Variants in GLYATL3 observed in about 807,000 individuals in gnomAD.
The protein encoded by GLYATL3 is glycine-N-acyltransferase like 3.
Under a neutral mutation model 28.5 loss-of-function variants are expected in GLYATL3, and 31 were observed. The ratio of observed to expected loss-of-function variants is 1.09; its 90% CI spans 0.82 to 1.47. The LOEUF is 1.47. Ranked by LOEUF, GLYATL3 falls within the 40% of genes most tolerant of loss-of-function variation. The probability of loss-of-function intolerance (pLI) is 0.00; values close to 1 mark genes in which losing one functional copy is unlikely to be tolerated. For missense variants in GLYATL3, 369 were observed against 351.5 expected (o/e 1.05, Z -0.40); for synonymous variants, 141 against 140.2 (o/e 1.01, Z -0.04).
At chr6:49,509,391 A>G (rs952573675) in intron 1 of GLYATL3, among the ~76,000 whole-genome samples, 4 of 152,218 alleles carry the variant, frequency 2.6e-5, no homozygotes, top group African/African-American at 9.6e-5. Flanking sequence ...ATTCAAGAGC[A>G]TTGTAACTCA....
At chr6:49,517,380 A>G (rs1769234953) in intron 3 of GLYATL3, 50 bp from the exon 4 acceptor site, 1 of 1,454,280 alleles carries the variant, frequency 6.9e-7, no homozygotes, top group South Asian at 1.4e-5. Flanking sequence ...TAAGATTTGG[A>G]TTATCCAGAT....
intron 1 of GLYATL3, among the ~76,000 whole-genome samples, chr6:49,509,097 T>A (rs535924780): frequency 6.6e-6 from 1 of 152,260 alleles, no homozygotes; most frequent in East Asian, 1.9e-4. Flanking sequence ...GATAATTTTC[T>A]GGGCAAACTG....
At chr6:49,510,906 T>G (rs763743273) in intron 1 of GLYATL3, among the ~76,000 whole-genome samples, 1 of 152,230 alleles carries the variant, frequency 6.6e-6, no homozygotes, top group Non-Finnish European at 1.5e-5. Flanking sequence ...AACCTCATGA[T>G]AGAATTTTAC....
chr6:49,526,601 TCTC>T lies in GLYATL3; in HGVS notation c.557_559del (p.Ser186del), dbSNP rs1561981293. ...TGTCTCCGGTACATCGCCAACCTCA[TCTC>T]CTGCTTCCCTAGTGTGTGTGTCCGG... On this transcript the variant is annotated inframe_deletion, in exon 6 of 6. Transcript: ENST00000371197. 1 of 1,551,876 alleles carries T rather than the reference TCTC, an allele frequency of 6.4e-7. No individual in the cohort carries two copies. The highest frequency in any genetic ancestry group is 2.4e-5 in the East Asian group (1 of 40,908).
chr6:49,510,532 C>T (rs1169732155), intron 1 of GLYATL3, among the ~76,000 whole-genome samples: 1 of 152,120 alleles, frequency 6.6e-6, no homozygotes, highest in Non-Finnish European at 1.5e-5. Context: ...AATTTTGTTT[C>T]GTTTTCTATC....
chr6:49,504,087 T>C (rs983942721), intron 1 of GLYATL3, among the ~76,000 whole-genome samples: 3 of 151,952 alleles, frequency 2.0e-5, no homozygotes, highest in African/African-American at 7.3e-5. Context: ...GTCTGTGGGG[T>C]GACAGAGGGT....
At chr6:49,504,067 G>C (rs764393263) in intron 1 of GLYATL3, among the ~76,000 whole-genome samples, 1 of 152,116 alleles carries the variant, frequency 6.6e-6, no homozygotes, top group Non-Finnish European at 1.5e-5. Flanking sequence ...AATATTCGTA[G>C]TTTTTAACAG....
intron 1 of GLYATL3, among the ~76,000 whole-genome samples, chr6:49,506,349 T>C (rs1037400556): frequency 7.9e-5 from 12 of 152,312 alleles, no homozygotes; most frequent in African/African-American, 2.9e-4. Context: ...TAAAAGTCTG[T>C]CAGATAGGTT....
chr6:49,502,885 A>C (rs541964968), intron 1 of GLYATL3, among the ~76,000 whole-genome samples: 1 of 152,332 alleles, frequency 6.6e-6, no homozygotes, highest in South Asian at 2.1e-4. Flanking sequence ...ACGGGAAGCC[A>C]AATACCTTCT....
At position 49,515,779 on chromosome 6, in the gene GLYATL3, A is replaced by G; in HGVS notation, c.186+19A>G. On this transcript the variant is annotated intron_variant, in intron 3 of 5. Coordinates refer to ENST00000371197, the MANE Select transcript of GLYATL3 (RefSeq NM_001010904.2). ...AAGAGAGGTACAGTTTTGAAAGGTA[A>G]AAAGTTTAAAAATAATAAGAATTGG... is the stretch of plus-strand genomic sequence containing the variant. 7.3e-7 allele frequency: 1 copy of G among 1,376,392 alleles called. No homozygotes were observed. The highest frequency in any genetic ancestry group is 1.0e-6 in the Non-Finnish European group (1 of 987,018). 85.3% of individuals were successfully genotyped at this position (1,376,392 alleles called of 1,614,324 possible).
chr6:49,505,413 G>C (rs953134043), intron 1 of GLYATL3, among the ~76,000 whole-genome samples: 1 of 152,142 alleles, frequency 6.6e-6, no homozygotes, highest in Non-Finnish European at 1.5e-5. Context: ...CAAACAACTC[G>C]GCTTTTTGAG....
In GLYATL3 at chr6:49,526,809, G is replaced by C. The variant is rs1769427202; in HGVS notation, c.762G>C (p.Thr254=). ...AGGGGAACGTCCTGGATGACAACACGGCGTCTATAAGCCTCCTGAAGAGTC... is the reference window on the plus strand; with the variant it reads ...AGGGGAACGTCCTGGATGACAACACCGCGTCTATAAGCCTCCTGAAGAGTC... ...PSQGNVLDDN[T]ASISLLKSLH... is the part of the protein sequence containing the mutation. The change falls in exon 6 of 6, where the codon ACG becomes ACC. Residue 254 remains threonine, a synonymous_variant. Coordinates refer to ENST00000371197, the MANE Select transcript of GLYATL3 (RefSeq NM_001010904.2). 6.4e-7 allele frequency: 1 copy of C among 1,552,088 alleles called. No individual in the cohort carries two copies. Among genetic ancestry groups the C allele is most frequent in the Non-Finnish European group, 8.7e-7 (1 of 1,147,078 alleles).
intron 1 of GLYATL3, among the ~76,000 whole-genome samples, chr6:49,510,310 G>A (rs1430807169): frequency 2.0e-5 from 3 of 152,166 alleles, no homozygotes; most frequent in Non-Finnish European, 4.4e-5. Flanking sequence ...CCAAAGTGCT[G>A]GGATTACAGG....
chr6:49,502,094 C>T (rs1327296226), intron 1 of GLYATL3, among the ~76,000 whole-genome samples: 2 of 152,148 alleles, frequency 1.3e-5, no homozygotes, highest in African/African-American at 4.8e-5. Flanking sequence ...ATCTTTTACT[C>T]CATAGCAATA....
At chr6:49,522,037 T>C (rs940678212) in intron 5 of GLYATL3, among the ~76,000 whole-genome samples, 1 of 152,214 alleles carries the variant, frequency 6.6e-6, no homozygotes, top group Non-Finnish European at 1.5e-5. Context: ...TGTGTTTTCA[T>C]AGTATCCATG....
intron 4 of GLYATL3, among the ~76,000 whole-genome samples, chr6:49,520,163 C>A (rs1769288375): frequency 6.6e-6 from 1 of 152,116 alleles, no homozygotes; most frequent in Non-Finnish European, 1.5e-5. Context: ...AGGCAATCAA[C>A]AAAATCCAAG....
At chr6:49,521,873 C>A in intron 5 of GLYATL3, 102 bp downstream of exon 5, 1 of 1,019,720 alleles carries the variant, frequency 9.8e-7, no homozygotes, top group Non-Finnish European at 1.4e-6. Flanking sequence ...TATCCAGGCA[C>A]TCTGGATTTC....
chr6:49,517,579 T>A, intron 4 of GLYATL3, 23 bp downstream of exon 4: 1 of 1,528,458 alleles, frequency 6.5e-7, no homozygotes, highest in Non-Finnish European at 8.8e-7. Context: ...GCAAGACTTA[T>A]ATTACACAGT....
At chr6:49,509,982 CT>C (rs1178991837) in intron 1 of GLYATL3, among the ~76,000 whole-genome samples, 3 of 136,398 alleles carry the variant, frequency 2.2e-5, no homozygotes, top group Non-Finnish European at 4.9e-5. Context: ...TTCTTTCTTT[CT>C]TTCTTTCTTT....
Sources: allele counts gnomAD v4.1 joint callset (sites outside exome capture counted in the v4.1 genomes callset), GRCh38; gene constraint gnomAD v4.1.1; transcripts MANE v1.5; gene names NCBI Gene and HGNC (gene_info 2026-07-23, HGNC 2026-07-21).